INSR: variants seen among roughly 807,000 people sequenced by gnomAD.
The protein encoded by INSR is insulin receptor.
INSR carries 67 observed loss-of-function variants against 142.6 expected under a neutral mutation model. The observed-to-expected ratio is 0.47, with a 90% CI of 0.39 to 0.58. INSR has a LOEUF of 0.58. Ranked by LOEUF, INSR falls within the 20% of genes least tolerant of loss-of-function variation. The pLI is 0.00. For missense variants in INSR, 1,248 were observed against 1,833.2 expected, an observed-to-expected ratio of 0.68 and a Z score of 5.83; for synonymous variants, 756 against 743.1, an observed-to-expected ratio of 1.02 and a Z score of -0.28.
chr19:7,291,683 A>G (rs1303159748), intron 1 of INSR, among the ~76,000 whole-genome samples: 1 of 152,208 alleles, frequency 6.6e-6, no homozygotes, highest in Non-Finnish European at 1.5e-5. Context: ...TGACCCTGAA[A>G]GCCCAGGCAC....
intron 12 of INSR, among the ~76,000 whole-genome samples, 163 bp downstream of exon 12, chr19:7,142,653 A>G (rs1490965123): frequency 2.0e-5 from 3 of 152,102 alleles, no homozygotes; most frequent in Non-Finnish European, 4.4e-5. Context: ...AGGTCGCACC[A>G]CTGTACTCCA....
At chr19:7,205,066 A>AGTTG (rs1975071295) in intron 2 of INSR, among the ~76,000 whole-genome samples, 2 of 152,228 alleles carry the variant, frequency 1.3e-5, no homozygotes, top group Admixed American at 1.3e-4. Flanking sequence ...CTTGGGCAAC[A>AGTTG]AAAGTGAAAC....
intron 9 of INSR, 87 bp from the exon 10 acceptor site, chr19:7,153,014 CACA>C (rs1973423764): frequency 2.0e-6 from 1 of 490,274 alleles, no homozygotes; most frequent in Non-Finnish European, 3.4e-6. Flanking sequence ...ACACACACAC[CACA>C]CACACACACC....
chr19:7,182,364 T>A (rs993103467), intron 3 of INSR, among the ~76,000 whole-genome samples: 1 of 151,372 alleles, frequency 6.6e-6, no homozygotes, highest in African/African-American at 2.4e-5. Flanking sequence ...CAAAAAAAAA[T>A]TGGCCAGGCT....
intron 2 of INSR, among the ~76,000 whole-genome samples, chr19:7,230,397 C>A (rs1975932742): frequency 6.6e-6 from 1 of 152,194 alleles, no homozygotes; most frequent in South Asian, 2.1e-4. Flanking sequence ...TCAGCCTCAA[C>A]TTCTCCCTCT....
At chr19:7,127,812 C>T (rs1276114596) in intron 15 of INSR, among the ~76,000 whole-genome samples, 7 of 152,040 alleles carry the variant, frequency 4.6e-5, no homozygotes, top group South Asian at 2.1e-4. Flanking sequence ...GGTGCGATCT[C>T]GGCTCACTGC....
In INSR at chr19:7,192,424, G is replaced by A. The variant is rs956359450; in HGVS notation, c.653-7787C>T. Among the ~76,000 whole-genome samples, 4 of 152,256 alleles carry A rather than the reference G, an allele frequency of 2.6e-5. No individual in the cohort carries two copies. In the South Asian group the frequency reaches 6.2e-4, roughly 24 times the overall value. On this transcript the variant is annotated intron_variant, in intron 2 of 21. Transcript: ENST00000302850. The surrounding 1 kb of genome is among the most constrained non-coding windows in gnomAD (Gnocchi z 4.2). ...AAAGTGAAGACATTATGAAAGCCAC[G>A]TGTCATGCAAGATGAGAAACAGCCC...
At position 7,232,362 on chromosome 19, in the gene INSR, C is replaced by T. The variant is rs946220373; in HGVS notation, c.652+34983G>A. Among the ~76,000 whole-genome samples, 9 of 152,210 alleles carry T rather than the reference C, an allele frequency of 5.9e-5. No homozygotes were observed. The South Asian group carries it at 1.5e-3, about 25-fold the overall frequency. On this transcript the variant is annotated intron_variant, in intron 2 of 21. Coordinates refer to ENST00000302850, the MANE Select transcript of INSR (RefSeq NM_000208.4). Reference sequence around the variant, plus strand: ...GAGTAGCTGGGATTACAGGAACGCACCATCACGTCTGGCTAATTTTTGTAT... The same window carrying T: ...GAGTAGCTGGGATTACAGGAACGCATCATCACGTCTGGCTAATTTTTGTAT...
At chr19:7,288,063 T>C (rs1447104238) in intron 1 of INSR, among the ~76,000 whole-genome samples, 2 of 152,126 alleles carry the variant, frequency 1.3e-5, no homozygotes, top group African/African-American at 2.4e-5. Flanking sequence ...TCGGAATCTA[T>C]GTAAATTTCT....
intron 1 of INSR, among the ~76,000 whole-genome samples, chr19:7,289,408 T>TC (rs200945020): frequency 2.5e-5 from 3 of 122,044 alleles, no homozygotes; most frequent in African/African-American, 1.4e-4. Flanking sequence ...TTCTTTTCTT[T>TC]TTTTTTTTTT....
At chr19:7,162,326 CAAAAAAAAAAA>C (rs34182944) in intron 9 of INSR, among the ~76,000 whole-genome samples, 1 of 63,100 alleles carries the variant, frequency 1.6e-5, no homozygotes, top group Non-Finnish European at 3.0e-5. Context: ...GACCCTGTCT[CAAAAAAAAAAA>C]AAAAAAAAAA....
chr19:7,268,708 T>C, intron 1 of INSR: 2 of 519,310 alleles, frequency 3.9e-6, no homozygotes, highest in Non-Finnish European at 4.9e-6. Context: ...TAGTAAGTGC[T>C]GCACTAATGT....
intron 11 of INSR, among the ~76,000 whole-genome samples, chr19:7,149,549 C>T (rs866760553): frequency 6.6e-6 from 1 of 152,024 alleles, no homozygotes. Flanking sequence ...TGGCCAGGGG[C>T]GGTGGCTCAC....
At chr19:7,201,616 C>A (rs560737003) in intron 2 of INSR, among the ~76,000 whole-genome samples, 42 of 151,206 alleles carry the variant, frequency 2.8e-4, no homozygotes, top group Non-Finnish European at 5.3e-4. Context: ...CCAAGTGAGA[C>A]TCTGTCTCAA....
chr19:7,172,110 C>T (rs1389488633), intron 5 of INSR, among the ~76,000 whole-genome samples, 180 bp downstream of exon 5: 2 of 151,974 alleles, frequency 1.3e-5, no homozygotes, highest in Non-Finnish European at 2.9e-5. Flanking sequence ...CAGGGTTTCA[C>T]CATGTTGGCC....
At chr19:7,256,810 G>GT (rs201484069) in intron 2 of INSR, among the ~76,000 whole-genome samples, 1 of 148,196 alleles carries the variant, frequency 6.7e-6, no homozygotes, top group Admixed American at 6.8e-5. Context: ...TTTCAGTACA[G>GT]TTTTTTTTGT....
chr19:7,120,710 T>C lies in INSR; in HGVS notation c.3569A>G (p.Tyr1190Cys). Residue 1190 changes from tyrosine to cysteine, a missense_variant, in exon 20 of 22, where the codon TAC becomes TGC. Around this residue, in one of 3 missense-constraint regions of INSR, gnomAD observed 1,069 missense variants for 1,654.0 expected, o/e 0.65. Transcript: ENST00000302850. ...MTRDIYETDY[Y>C]RKGGKGLLPV... The stretch of plus-strand genomic sequence containing the variant: ...GAGCAGACCCTTGCCCCCTTTCCGG[T>C]AGTAATCCGTTTCATAGATGTCTCT... The C allele has an allele frequency of 2.5e-6, 4 of 1,614,100 alleles. No individual in the cohort carries two copies. The highest frequency in any genetic ancestry group is 2.2e-5 in the East Asian group (1 of 44,868).
intron 13 of INSR, 29 bp downstream of exon 13, chr19:7,141,648 G>A (rs758982396): frequency 2.5e-6 from 4 of 1,613,794 alleles, no homozygotes; most frequent in Non-Finnish European, 3.4e-6. Context: ...GAAGTGTGCA[G>A]GGGCATGCCC....
chr19:7,280,967 G>A (rs771996885), intron 1 of INSR, among the ~76,000 whole-genome samples: 25 of 152,132 alleles, frequency 1.6e-4, no homozygotes, highest in Non-Finnish European at 3.7e-4. Context: ...GGACTAGGAA[G>A]GGCACCTGTG....
Sources: allele counts gnomAD v4.1 joint callset (sites outside exome capture counted in the v4.1 genomes callset), GRCh38; gene constraint gnomAD v4.1.1; regional missense constraint gnomAD v4.1.1; non-coding constraint Gnocchi (gnomAD v3.1); transcripts MANE v1.5; gene names NCBI Gene and HGNC (gene_info 2026-07-23, HGNC 2026-07-21).